OCA2: variants seen among roughly 807,000 people sequenced by gnomAD.
OCA2 encodes the protein OCA2 melanosomal transmembrane protein.
OCA2 carries 77 observed loss-of-function variants against 100.2 expected under a neutral mutation model. The ratio of observed to expected loss-of-function variants is 0.77; its 90% confidence interval spans 0.64 to 0.93. The LOEUF (loss-of-function observed/expected upper bound fraction) is 0.93. Among genes scored for constraint, OCA2 ranks in the 40% least tolerant of loss-of-function variants. The pLI, the probability that OCA2 is intolerant of heterozygous loss-of-function variation, is 0.00. For synonymous variants in OCA2, 432 were observed against 439.2 expected (o/e 0.98, Z 0.21); for missense variants, 1,062 against 1,089.1 (o/e 0.98, Z 0.35).
chr15:28,073,453 A>G (rs1357331371), intron 2 of OCA2, among the ~76,000 whole-genome samples: 1 of 152,206 alleles, frequency 6.6e-6, no homozygotes, highest in African/African-American at 2.4e-5. Context: ...GCAGTAACAT[A>G]GATGGAGCTG....
chr15:27,770,850 CTT>C (rs1595381220), intron 23 of OCA2, among the ~76,000 whole-genome samples: 39 of 101,376 alleles, frequency 3.8e-4, no homozygotes, highest in African/African-American at 1.8e-3. Flanking sequence ...CTTTTCCTTC[CTT>C]CCTTTCTTCC....
chr15:28,004,927 A>T (rs1014955118), intron 9 of OCA2, among the ~76,000 whole-genome samples: 1 of 152,144 alleles, frequency 6.6e-6, no homozygotes, highest in Non-Finnish European at 1.5e-5. Flanking sequence ...TTGATGACAG[A>T]CAAGGCCATC....
intron 9 of OCA2, among the ~76,000 whole-genome samples, chr15:28,008,778 G>A (rs1371262443): frequency 6.6e-6 from 1 of 152,224 alleles, no homozygotes; most frequent in African/African-American, 2.4e-5. Context: ...AAGGGATCAG[G>A]GAGGAGGCCA....
Position 27,834,301 on chromosome 15 carries a change from A to T in OCA2, c.2432+10658T>A, listed in dbSNP as rs141019951. Among the ~76,000 whole-genome samples the T allele has an allele frequency of 5.9e-3, 899 of 152,320 alleles. 15 individuals carry two copies. The highest frequency in any genetic ancestry group is 0.02 in the African/African-American group (841 of 41,568). Reference sequence around the variant, plus strand: ...ATGTTGGTGAACGAATTCATGTGTCAGGAGGGTGGTGCATCTGCACTCCAT... The same window carrying T: ...ATGTTGGTGAACGAATTCATGTGTCTGGAGGGTGGTGCATCTGCACTCCAT... On this transcript the variant is annotated intron_variant, in intron 23 of 23. Coordinates refer to ENST00000354638, the MANE Select transcript of OCA2 (RefSeq NM_000275.3).
At chr15:28,081,356 G>A (rs192092594) in intron 2 of OCA2, among the ~76,000 whole-genome samples, 1 of 152,126 alleles carries the variant, frequency 6.6e-6, no homozygotes, top group East Asian at 1.9e-4. Flanking sequence ...AGAGACATAC[G>A]CTTTCCAAAA....
chr15:27,726,355 C>T, the OCA2 span, among the ~76,000 whole-genome samples: 1 of 150,794 alleles, frequency 6.6e-6, no homozygotes, highest in Admixed American at 6.7e-5. Flanking sequence ...ATAGTTTAGA[C>T]TTTATGGGCC....
chr15:28,032,204 A>C, intron 2 of OCA2, 41 bp from the exon 3 acceptor site: 6 of 1,363,982 alleles, frequency 4.4e-6, no homozygotes, highest in Non-Finnish European at 6.3e-6. Flanking sequence ...CCAACACAGA[A>C]ATAATGTATG....
chr15:28,012,491 G>A (rs981556786), intron 9 of OCA2, among the ~76,000 whole-genome samples: 4 of 152,158 alleles, frequency 2.6e-5, no homozygotes, highest in African/African-American at 9.7e-5. Flanking sequence ...CCTTCTATGT[G>A]TGGCTGGTTT....
chr15:27,767,357 C>A (rs1022448568), intron 23 of OCA2, among the ~76,000 whole-genome samples: 1 of 152,166 alleles, frequency 6.6e-6, no homozygotes, highest in African/African-American at 2.4e-5. Context: ...GTTGGGGTGT[C>A]CTGTTTAGAG....
Position 28,050,482 on chromosome 15 carries a change from A to G in OCA2, c.228-18319T>C, listed in dbSNP as rs527259828. Among the ~76,000 whole-genome samples the G allele has an allele frequency of 6.0e-5, 9 of 150,410 alleles. No homozygotes were observed. The East Asian group carries it at 1.8e-3, about 30-fold the overall frequency. ...AGGCTGAGGCAGGAGAATAGCTTGAACCCGGGAGGCGGAGGTTGAAGTGAG... is the reference window on the plus strand; with the variant it reads ...AGGCTGAGGCAGGAGAATAGCTTGAGCCCGGGAGGCGGAGGTTGAAGTGAG... On this transcript the variant is annotated intron_variant, in intron 2 of 23. Transcript: ENST00000354638.
At chr15:27,893,436 T>C (rs1301483565) in intron 19 of OCA2, among the ~76,000 whole-genome samples, 2 of 152,196 alleles carry the variant, frequency 1.3e-5, no homozygotes, top group Admixed American at 1.3e-4. Context: ...CCTTAAGGTC[T>C]GACTGCCTGT....
chr15:27,991,500 T>C (rs1309488652), intron 9 of OCA2, among the ~76,000 whole-genome samples: 5 of 152,200 alleles, frequency 3.3e-5, no homozygotes, highest in African/African-American at 1.2e-4. Flanking sequence ...GGTCCATCTA[T>C]ATGAACTTTC....
At chr15:27,985,676 C>T (rs926366294) in intron 12 of OCA2, among the ~76,000 whole-genome samples, 1 of 150,840 alleles carries the variant, frequency 6.6e-6, no homozygotes, top group Admixed American at 6.6e-5. Flanking sequence ...TCAGAGTTTG[C>T]AAAGGGCTTT....
chr15:28,046,931 T>G (rs2043365464), intron 2 of OCA2, among the ~76,000 whole-genome samples: 1 of 152,204 alleles, frequency 6.6e-6, no homozygotes. Context: ...GATTTCCCTC[T>G]TGTCATCCTC....
chr15:27,923,434 C>T (rs1389152798), intron 19 of OCA2, among the ~76,000 whole-genome samples: 1 of 152,194 alleles, frequency 6.6e-6, no homozygotes, highest in Non-Finnish European at 1.5e-5. Context: ...TAAGGAATCA[C>T]CACACTGCTT....
At chr15:27,949,098 A>T (rs2039944428) in intron 18 of OCA2, among the ~76,000 whole-genome samples, 1 of 152,120 alleles carries the variant, frequency 6.6e-6, no homozygotes, top group Admixed American at 6.6e-5. Flanking sequence ...AAAAAAAAAT[A>T]AAGAGAAAGA....
chr15:27,994,338 C>T (rs1378294419), intron 9 of OCA2, among the ~76,000 whole-genome samples: 4 of 152,184 alleles, frequency 2.6e-5, no homozygotes, highest in Non-Finnish European at 4.4e-5. Context: ...TCCCACCCCA[C>T]GGTCCATGGA....
intron 21 of OCA2, among the ~76,000 whole-genome samples, chr15:27,855,193 C>A (rs7180943): frequency 0.43 from 65,029 of 152,076 alleles, 15,790 homozygotes; most frequent in African/African-American, 0.64. Flanking sequence ...TCCTCCCAGG[C>A]CCTGCCTTGA....
At position 27,955,160 on chromosome 15, in the gene OCA2, T is replaced by C; in HGVS notation, c.1840A>G (p.Lys614Glu). Residue 614 changes from lysine (K) to glutamate (E), a missense_variant and splice_region_variant, in exon 17 of 24, where the codon AAG becomes GAG. Transcript: ENST00000354638. ...CCTGAGGAAAGAAAGCTGGGTACCT[T>C]TTTTTGGAGTTCTTGGATATTGGTC... ...WETNIQELQKKHRISDGILLA... is the reference protein window; with the variant it reads ...WETNIQELQKEHRISDGILLA... The C allele has an allele frequency of 1.2e-6, 2 of 1,610,146 alleles. No homozygotes were observed. The highest frequency in any genetic ancestry group is 1.1e-5 in the South Asian group (1 of 91,004).
Sources: allele counts gnomAD v4.1 joint callset (sites outside exome capture counted in the v4.1 genomes callset), GRCh38; gene constraint gnomAD v4.1.1; transcripts MANE v1.5; gene names NCBI Gene and HGNC (gene_info 2026-07-23, HGNC 2026-07-21).